The following CHSY3 variants were observed in gnomAD, a reference collection of about 807,000 sequenced individuals.
CHSY3 encodes the protein chondroitin sulfate synthase 3, also known as N-acetylgalactosaminyl-proteoglycan 3-beta-glucuronosyltransferase 3.
CHSY3 carries 35 observed loss-of-function variants against 67.2 expected under a neutral mutation model. That is an observed-to-expected ratio of 0.52 (90% CI 0.40 to 0.69). The LOEUF is 0.69. Among genes scored for constraint, CHSY3 ranks in the 30% least tolerant of loss-of-function variants. The pLI is 0.00. For synonymous variants in CHSY3, 474 were observed against 434.7 expected (o/e 1.09, Z -1.12); for missense variants, 1,069 against 1,138.5 (o/e 0.94, Z 0.88).
intron 2 of CHSY3, among the ~76,000 whole-genome samples, chr5:130,082,529 T>G (rs530224796): frequency 6.6e-6 from 1 of 152,222 alleles, no homozygotes; most frequent in African/African-American, 2.4e-5. Context: ...TTAATTTTCC[T>G]CTTATATTAT....
chr5:130,141,250 T>C (rs1047479327), intron 2 of CHSY3: 2 of 479,532 alleles, frequency 4.2e-6, no homozygotes, highest in Non-Finnish European at 8.2e-6. Flanking sequence ...GGTAGAGTCA[T>C]GACTGTCCTC....
intron 2 of CHSY3, among the ~76,000 whole-genome samples, chr5:129,970,069 G>T (rs1762595246): frequency 6.6e-6 from 1 of 151,860 alleles, no homozygotes; most frequent in South Asian, 2.1e-4. Context: ...TCATTCTTTA[G>T]TTCCCCACTT....
At chr5:130,068,454 A>G (rs1028064524) in intron 2 of CHSY3, among the ~76,000 whole-genome samples, 24 of 152,196 alleles carry the variant, frequency 1.6e-4, no homozygotes, top group African/African-American at 5.5e-4. Flanking sequence ...TGTAAGAAAA[A>G]TACTACTCCT....
At chr5:130,008,454 A>G (rs1285451240) in intron 2 of CHSY3, among the ~76,000 whole-genome samples, 6 of 152,244 alleles carry the variant, frequency 3.9e-5, no homozygotes, top group East Asian at 3.9e-4. Context: ...ATCAAAAAAT[A>G]TAAAAGCAAA....
intron 2 of CHSY3, among the ~76,000 whole-genome samples, chr5:129,989,606 G>A (rs1763302106): frequency 6.6e-6 from 1 of 152,128 alleles, no homozygotes; most frequent in Admixed American, 6.6e-5. Flanking sequence ...GACACTTTCA[G>A]ACCATAGCAG....
In CHSY3 at chr5:130,143,815, T is replaced by TATATATA. The variant is rs1580777964; in HGVS notation, c.1087-40413_1087-40407dup. Among the ~76,000 whole-genome samples, 6 of 92,966 alleles carry TATATATA rather than the reference T, an allele frequency of 6.5e-5. 1 individual carries two copies. The East Asian group carries it at 1.8e-3, about 28-fold the overall frequency. 61.0% of individuals were successfully genotyped at this position (92,966 alleles called of 152,430 possible). The stretch of plus-strand genomic sequence containing the variant: ...ATATATATATATATATGTGTGTATA[T>TATATATA]ATATATATATATATATATATATATA... On this transcript the variant is annotated intron_variant, in intron 2 of 2. Transcript: ENST00000305031.
At chr5:130,158,061 C>A (rs905440665) in intron 2 of CHSY3, among the ~76,000 whole-genome samples, 14 of 152,200 alleles carry the variant, frequency 9.2e-5, no homozygotes, top group African/African-American at 3.4e-4. Flanking sequence ...ACTCTTGTTG[C>A]CATCTTGGTT....
chr5:130,145,350 A>G (rs755549702), intron 2 of CHSY3, among the ~76,000 whole-genome samples: 24 of 152,226 alleles, frequency 1.6e-4, no homozygotes, highest in Admixed American at 1.4e-3. Context: ...TAGGGAAGAG[A>G]TAGTATCTTC....
chr5:129,949,126 C>T (rs1047014011), intron 2 of CHSY3, among the ~76,000 whole-genome samples: 1 of 152,110 alleles, frequency 6.6e-6, no homozygotes, highest in Non-Finnish European at 1.5e-5. Context: ...AACACTGGTG[C>T]TCCCAAATTT....
chr5:130,178,927 A>G (rs1301313579), intron 2 of CHSY3, among the ~76,000 whole-genome samples: 1 of 152,202 alleles, frequency 6.6e-6, no homozygotes, highest in Non-Finnish European at 1.5e-5. Context: ...TCTAAGGTTC[A>G]ATTTAAGTTT....
At chr5:130,143,281 G>T (rs1293267990) in intron 2 of CHSY3, among the ~76,000 whole-genome samples, 1 of 152,068 alleles carries the variant, frequency 6.6e-6, no homozygotes, top group Non-Finnish European at 1.5e-5. Flanking sequence ...TAACCCTCCA[G>T]AGTAGGTTGT....
At chr5:130,147,889 G>A (rs775873065) in intron 2 of CHSY3, among the ~76,000 whole-genome samples, 13 of 152,170 alleles carry the variant, frequency 8.5e-5, no homozygotes, top group Admixed American at 7.9e-4. Flanking sequence ...GGGAACATGT[G>A]CAGGTTTGTT....
intron 2 of CHSY3, among the ~76,000 whole-genome samples, chr5:130,139,042 T>C (rs1349216611): frequency 6.6e-6 from 1 of 152,180 alleles, no homozygotes; most frequent in African/African-American, 2.4e-5. Context: ...TATACACCTG[T>C]ATAGCAAGTT....
At chr5:130,004,567 A>C (rs2149641790) in intron 2 of CHSY3, among the ~76,000 whole-genome samples, 1 of 152,274 alleles carries the variant, frequency 6.6e-6, no homozygotes, top group East Asian at 1.9e-4. Flanking sequence ...GAGGAAAGAG[A>C]AAAGGTGATG....
intron 2 of CHSY3, among the ~76,000 whole-genome samples, chr5:130,161,724 C>A (rs949015115): frequency 6.6e-6 from 1 of 151,078 alleles, no homozygotes; most frequent in African/African-American, 2.4e-5. Flanking sequence ...TGTTTGACTT[C>A]TTCACTTCAA....
upstream of CHSY3, chr5:129,904,364 C>T (rs1285677683): frequency 6.4e-6 from 1 of 156,184 alleles, no homozygotes; most frequent in East Asian, 1.9e-4. Flanking sequence ...GCCTGCGGCT[C>T]CTCCTCCGGG....
rs1205782386 is a variant in CHSY3, at chr5:130,178,253, A to ATATAT, written c.1087-5975_1087-5974insATATT. On this transcript the variant is annotated intron_variant, in intron 2 of 2. Coordinates refer to ENST00000305031, the MANE Select transcript of CHSY3 (RefSeq NM_175856.5). ...TATATATATATATATATATATATAT[A>ATATAT]TTTTTTTTTTTTTTTTTCCTGAGAC... Among the ~76,000 whole-genome samples the ATATAT allele has an allele frequency of 9.6e-3, 441 of 45,918 alleles. 9 individuals are homozygous for ATATAT. The highest frequency in any genetic ancestry group is 0.021 in the Middle Eastern group (1 of 48). 30.1% of individuals were successfully genotyped at this position (45,918 alleles called of 152,430 possible). A position where few individuals can be genotyped will look rare whatever the true frequency, so the allele number is the denominator to read the frequency against.
rs1208525703 is a variant in CHSY3, at chr5:129,908,447, C to G, written c.1086+87C>G. 2.2e-5 allele frequency: 33 copies of G among 1,505,572 alleles called. No individual in the cohort carries two copies. The South Asian group carries it at 3.8e-4, about 17-fold the overall frequency. 93.3% of individuals were successfully genotyped at this position (1,505,572 alleles called of 1,614,324 possible). ...AGGGCAGCGATTCTATTCATTCTCT[C>G]TGTATCTTTGTATTTACTTGAAAGT... On this transcript the variant is annotated intron_variant, in intron 2 of 2. Transcript: ENST00000305031.
intron 2 of CHSY3, among the ~76,000 whole-genome samples, chr5:130,074,810 T>C (rs1432366515): frequency 2.0e-5 from 3 of 152,180 alleles, no homozygotes; most frequent in African/African-American, 7.2e-5. Context: ...TTGGAAACCT[T>C]GCTTTTATAC....
Sources: gnomAD v4.1 joint callset for allele counts (sites outside exome capture counted in the v4.1 genomes callset) on GRCh38, gnomAD v4.1.1 for gene constraint, MANE v1.5 for transcripts, NCBI Gene and HGNC (gene_info 2026-07-23, HGNC 2026-07-21) for gene names.